The following TBC1D32 variants were observed in gnomAD, a reference collection of about 807,000 sequenced individuals.
TBC1D32 encodes the protein TBC1 domain family member 32.
Under a neutral mutation model 170.3 loss-of-function variants are expected in TBC1D32, and 151 were observed. That is an observed-to-expected ratio of 0.89 (90% CI 0.78 to 1.01). The LOEUF (loss-of-function observed/expected upper bound fraction) is 1.01. TBC1D32 is among the 50% of genes least tolerant of loss of function. TBC1D32 has a pLI of 0.00. For missense variants in TBC1D32, 1,464 were observed against 1,457.1 expected, an observed-to-expected ratio of 1.00 and a Z score of -0.08; for synonymous variants, 498 against 488.0, an observed-to-expected ratio of 1.02 and a Z score of -0.27.
chr6:121,308,728 G>A (rs1317232481), intron 4 of TBC1D32, among the ~76,000 whole-genome samples: 6 of 118,946 alleles, frequency 5.0e-5, no homozygotes, highest in African/African-American at 1.1e-4. Context: ...TCGCTCTGTC[G>A]CCCAGGCCAG....
rs115769041 is a variant in TBC1D32 at position 121,317,301 on chromosome 6, C to T, written c.495+194G>A. On this transcript the variant is annotated intron_variant, in intron 3 of 31. Coordinates refer to ENST00000398212, the MANE Select transcript of TBC1D32 (RefSeq NM_152730.6). ...TCACCAAGAATTATCTCAGATATAA[C>T]GTAGCTACTCACCAAATATAATTCT... Among the ~76,000 whole-genome samples, 1,016 of 151,936 alleles carry T rather than the reference C, an allele frequency of 6.7e-3. 11 individuals carry two copies. Among genetic ancestry groups the T allele is most frequent in the African/African-American group, 0.023 (964 of 41,440 alleles).
At chr6:121,314,376 T>C (rs1369217545) in intron 3 of TBC1D32, among the ~76,000 whole-genome samples, 1 of 152,204 alleles carries the variant, frequency 6.6e-6, no homozygotes, top group Non-Finnish European at 1.5e-5. Context: ...TTTTGTCATG[T>C]CATGTGACAT....
At chr6:121,190,125 C>G (rs1180011471) in intron 22 of TBC1D32, among the ~76,000 whole-genome samples, 1 of 67,046 alleles carries the variant, frequency 1.5e-5, no homozygotes, top group African/African-American at 4.4e-5. Context: ...CACACACACA[C>G]ACACACGACC....
At chr6:121,092,302 T>TG (rs1244763732) in intron 30 of TBC1D32, among the ~76,000 whole-genome samples, 3 of 142,106 alleles carry the variant, frequency 2.1e-5, no homozygotes, top group East Asian at 4.1e-4. Flanking sequence ...TGTTTTTTTT[T>TG]TTTTTTTTTT....
rs745751694 is a variant in TBC1D32, at chr6:121,299,549, C to T, written c.1081-44G>A. ...GATATTTAATACTCAAGCTGTGCCA[C>T]TCAAAATCTATTTTTCCTGCATGAT... On this transcript the variant is annotated intron_variant, in intron 9 of 31. Transcript: ENST00000398212. 21 of 1,456,106 alleles carry T rather than the reference C, an allele frequency of 1.4e-5. No individual in the cohort carries two copies. The African/African-American group carries it at 2.0e-4, about 14-fold the overall frequency. 90.2% of individuals were successfully genotyped at this position (1,456,106 alleles called of 1,614,324 possible).
chr6:121,210,642 A>G (rs1792912684), intron 21 of TBC1D32, among the ~76,000 whole-genome samples: 1 of 152,232 alleles, frequency 6.6e-6, no homozygotes, highest in East Asian at 1.9e-4. Context: ...AGATGTAACT[A>G]AAATCCTTAA....
chr6:121,271,415 T>C (rs1422006760), intron 15 of TBC1D32, among the ~76,000 whole-genome samples: 2 of 152,120 alleles, frequency 1.3e-5, no homozygotes, highest in Non-Finnish European at 2.9e-5. Context: ...TTCAGCAAAG[T>C]CTCAGGATAC....
intron 17 of TBC1D32, among the ~76,000 whole-genome samples, chr6:121,248,241 T>C (rs981391341): frequency 1.3e-5 from 2 of 151,942 alleles, no homozygotes; most frequent in Non-Finnish European, 2.9e-5. Flanking sequence ...AAAATCAACA[T>C]AGATATTAAA....
rs1329068794 is a variant in TBC1D32 at position 121,279,183 on chromosome 6, T to A, written c.1671A>T (p.Ala557=). ...GTAAAATAAGCCCTTCTTCTACAGA[T>A]GCAATTCTTGCCAAAATACCAGCTA... is the stretch of plus-strand genomic sequence containing the variant. ...IHIAGILARI[A]SVEEGLILLL... Residue 557 remains alanine (A), a synonymous_variant, in exon 15 of 32, where the codon GCA becomes GCT. Coordinates refer to ENST00000398212, the MANE Select transcript of TBC1D32 (RefSeq NM_152730.6). 6.2e-7 allele frequency: 1 copy of A among 1,612,192 alleles called. No homozygotes were observed. The highest frequency in any genetic ancestry group is 1.7e-4 in the Middle Eastern group (1 of 6,028).
intron 12 of TBC1D32, among the ~76,000 whole-genome samples, chr6:121,285,837 C>T (rs575912287): frequency 1.3e-5 from 2 of 152,286 alleles, no homozygotes; most frequent in African/African-American, 2.4e-5. Flanking sequence ...CACCAATATC[C>T]GCTGTTCTGC....
intron 24 of TBC1D32, among the ~76,000 whole-genome samples, chr6:121,148,688 ACTGCAGCCT>A (rs1783803900): frequency 6.6e-6 from 1 of 151,956 alleles, no homozygotes; most frequent in Admixed American, 6.6e-5. Flanking sequence ...ATCTCAGCTC[ACTGCAGCCT>A]CTGCCTAGCA....
At position 121,143,967 on chromosome 6, in the gene TBC1D32, T is replaced by C. The variant is rs367934573; in HGVS notation, c.2774-12215A>G. 2.2e-4 allele frequency among the ~76,000 whole-genome samples: 33 copies of C among 152,282 alleles called. No individual in the cohort carries two copies. The East Asian group carries it at 2.9e-3, about 13-fold the overall frequency. ...CAATATCAGAATGAGATATTATGAA[T>C]TGACTAAATCCCTGTAAAAATATCT... is the stretch of plus-strand genomic sequence containing the variant. On this transcript the variant is annotated intron_variant, in intron 24 of 31. Coordinates refer to ENST00000398212, the MANE Select transcript of TBC1D32 (RefSeq NM_152730.6).
intron 15 of TBC1D32, among the ~76,000 whole-genome samples, chr6:121,261,793 A>C (rs764420389): frequency 1.2e-4 from 18 of 152,186 alleles, no homozygotes; most frequent in Non-Finnish European, 2.4e-4. Context: ...GGATGAACTG[A>C]CAGAAGTGGG....
At chr6:121,321,284 G>A (rs985702729) in intron 2 of TBC1D32, among the ~76,000 whole-genome samples, 2 of 152,158 alleles carry the variant, frequency 1.3e-5, no homozygotes, top group African/African-American at 4.8e-5. Flanking sequence ...AGCAACATGA[G>A]TGCAAATCCC....
chr6:121,131,748 A>G lies in TBC1D32; in HGVS notation c.2778T>C (p.Asn926=), dbSNP rs1347400539. The change falls in exon 25 of 32, where the codon AAT becomes AAC. Residue 926 remains asparagine, a synonymous_variant. Transcript: ENST00000398212. ...ITRNAGIKQD[N]DLDKLLLCLK... ...GGCATAATAAAAGCTTGTCAAGATC[A>G]TTGTCTAATCAGAAAGATAACATAC... The G allele has an allele frequency of 6.3e-7, 1 of 1,587,242 alleles. No individual in the cohort carries two copies. The highest frequency in any genetic ancestry group is 8.6e-7 in the Non-Finnish European group (1 of 1,159,214).
chr6:121,296,763 G>T (rs1805701893), intron 10 of TBC1D32, among the ~76,000 whole-genome samples: 1 of 151,988 alleles, frequency 6.6e-6, no homozygotes, highest in Non-Finnish European at 1.5e-5. Flanking sequence ...AAACAAAGTG[G>T]ATTAAAATAA....
chr6:121,276,288 A>C (rs887394220), intron 15 of TBC1D32, among the ~76,000 whole-genome samples: 1 of 152,186 alleles, frequency 6.6e-6, no homozygotes, highest in South Asian at 2.1e-4. Flanking sequence ...TTATAAGGTC[A>C]TTGCGCTAGA....
In TBC1D32 at chr6:121,250,114, T is replaced by C. The variant is rs184893602; in HGVS notation, c.2018+5214A>G. The stretch of plus-strand genomic sequence containing the variant: ...CAAGGCTATAGTTACCAAAACTGCA[T>C]GGTACTGGTATAAAAATAGGCAAGT... On this transcript the variant is annotated intron_variant, in intron 17 of 31. Transcript: ENST00000398212. Among the ~76,000 whole-genome samples the C allele has an allele frequency of 2.0e-5, 3 of 152,074 alleles. No homozygotes were observed. The East Asian group carries it at 5.8e-4, about 29-fold the overall frequency.
intron 20 of TBC1D32, among the ~76,000 whole-genome samples, chr6:121,228,553 A>C (rs985875191): frequency 6.6e-6 from 1 of 152,080 alleles, no homozygotes; most frequent in Non-Finnish European, 1.5e-5. Flanking sequence ...ATTTCCAAGT[A>C]TCTTTTTTTC....
Sources: allele counts gnomAD v4.1 joint callset (sites outside exome capture counted in the v4.1 genomes callset), GRCh38; gene constraint gnomAD v4.1.1; transcripts MANE v1.5; gene names NCBI Gene and HGNC (gene_info 2026-07-23, HGNC 2026-07-21).